JAKMIP3: variants seen among roughly 807,000 people sequenced by gnomAD.
JAKMIP3 encodes the protein janus kinase and microtubule-interacting protein 3.
A neutral mutation model predicts 118.5 loss-of-function variants in JAKMIP3; 58 were observed. That is an observed-to-expected ratio of 0.49 (90% CI 0.40 to 0.61). The LOEUF (loss-of-function observed/expected upper bound fraction) is 0.61, where lower values mean the gene tolerates loss of function less well. Among genes scored for constraint, JAKMIP3 ranks in the 20% least tolerant of loss-of-function variants. The pLI is 0.00. For missense variants in JAKMIP3, 950 were observed against 1,109.0 expected, an observed-to-expected ratio of 0.86 and a Z score of 2.04; for synonymous variants, 486 against 451.2, an observed-to-expected ratio of 1.08 and a Z score of -0.98.
At chr10:132,047,031 C>G (rs933276046) in intron 1 of JAKMIP3, among the ~76,000 whole-genome samples, 1 of 152,090 alleles carries the variant, frequency 6.6e-6, no homozygotes, top group Admixed American at 6.5e-5. Context: ...ACTGCAGGTG[C>G]CACCACACCC....
chr10:132,149,576 G>A (rs1258657853), intron 15 of JAKMIP3, 66 bp downstream of exon 15: 3 of 372,454 alleles, frequency 8.1e-6, no homozygotes, highest in African/African-American at 7.7e-5. Context: ...CCCCCTCTCC[G>A]CCCCCGCCCC....
intron 1 of JAKMIP3, among the ~76,000 whole-genome samples, chr10:132,073,711 T>C (rs911165290): frequency 6.6e-6 from 1 of 152,118 alleles, no homozygotes; most frequent in African/African-American, 2.4e-5. Context: ...TTGCCCAGGC[T>C]GGTCTTGAAC....
intron 1 of JAKMIP3, among the ~76,000 whole-genome samples, chr10:132,073,556 A>G (rs1034625631): frequency 7.0e-6 from 1 of 143,436 alleles, no homozygotes; most frequent in African/African-American, 2.6e-5. Context: ...AAGTGCAGTG[A>G]TGCGATCTCA....
At position 132,168,093 on chromosome 10, in the gene JAKMIP3, T is replaced by G. The variant is rs1453575354; in HGVS notation, c.*163T>G. The G allele has an allele frequency of 2.3e-6, 3 of 1,289,004 alleles. No homozygotes were observed. In the South Asian group the frequency reaches 3.7e-5, roughly 16 times the overall value. 79.8% of individuals were successfully genotyped at this position (1,289,004 alleles called of 1,614,324 possible). On this transcript the variant is annotated 3_prime_UTR_variant, in exon 23 of 24. Coordinates refer to ENST00000684848, the MANE Select transcript of JAKMIP3 (RefSeq NM_001323087.2). ...GTGGAGGAAGAGTGAGAAGGGGCAG[T>G]GTGTGGGGCGTGGAGCTGCCGTCCA...
At chr10:132,159,682 A>ATGTGATGCTCAGGGGGCCTCTCCCTG (rs1564982004) in intron 19 of JAKMIP3, among the ~76,000 whole-genome samples, 34 of 40,416 alleles carry the variant, frequency 8.4e-4, no homozygotes, top group Non-Finnish European at 7.4e-4. Context: ...TCCTCTCCCT[A>ATGTGATGCTCAGGGGGCCTCTCCCTG]TGTGATGCTC....
In JAKMIP3 at chr10:132,094,211, G is replaced by A. The variant is rs536863502; in HGVS notation, c.-137-10461G>A. ...AAATTGGGCTTTGCCTTTCTCTGGTGCCTCCTTGGTTAACTTAATAACTGA... is the reference window on the plus strand; with the variant it reads ...AAATTGGGCTTTGCCTTTCTCTGGTACCTCCTTGGTTAACTTAATAACTGA... On this transcript the variant is annotated intron_variant, in intron 1 of 23. Coordinates refer to ENST00000684848, the MANE Select transcript of JAKMIP3 (RefSeq NM_001323087.2). Among the ~76,000 whole-genome samples the A allele has an allele frequency of 2.6e-5, 4 of 152,136 alleles. No homozygotes were observed. The East Asian group carries it at 7.7e-4, about 29-fold the overall frequency.
At chr10:132,163,654 T>C (rs2058603364) in intron 20 of JAKMIP3, among the ~76,000 whole-genome samples, 1 of 152,068 alleles carries the variant, frequency 6.6e-6, no homozygotes, top group African/African-American at 2.4e-5. Context: ...TGCCCCAGAA[T>C]GGCCACGCCC....
intron 1 of JAKMIP3, among the ~76,000 whole-genome samples, chr10:132,043,646 G>T (rs1250536468): frequency 1.3e-5 from 2 of 152,190 alleles, no homozygotes. Context: ...CAATGTGGGG[G>T]TCCAGGAGCC....
At chr10:132,149,575 C>CCT (rs1589954270) in intron 15 of JAKMIP3, 65 bp downstream of exon 15, 71 of 371,140 alleles carry the variant, frequency 1.9e-4, no homozygotes, top group East Asian at 1.4e-3. Flanking sequence ...ACCCCCTCTC[C>CCT]GCCCCCGCCC....
intron 2 of JAKMIP3, among the ~76,000 whole-genome samples, chr10:132,109,134 A>T (rs1188752097): frequency 7.0e-5 from 3 of 43,132 alleles, no homozygotes; most frequent in African/African-American, 3.5e-4. Context: ...ACACACACAC[A>T]TATATATATA....
intron 12 of JAKMIP3, 151 bp from the exon 13 acceptor site, chr10:132,145,367 C>T: frequency 3.3e-6 from 3 of 903,892 alleles, no homozygotes; most frequent in South Asian, 1.7e-5. Context: ...GCATGTGCCA[C>T]CACGCCCGGC....
chr10:132,037,570 G>A (rs77887667), intron 1 of JAKMIP3, among the ~76,000 whole-genome samples: 2,236 of 152,262 alleles, frequency 0.015, 46 homozygotes, highest in South Asian at 0.077. Flanking sequence ...AGGGGCTGAG[G>A]ATTAAACGCA....
chr10:132,037,157 C>T (rs906545336), intron 1 of JAKMIP3, among the ~76,000 whole-genome samples: 1 of 152,214 alleles, frequency 6.6e-6, no homozygotes, highest in African/African-American at 2.4e-5. Flanking sequence ...CCAGCGTGGC[C>T]GTGGGATGCT....
In JAKMIP3 at chr10:132,049,699, G is replaced by T. The variant is rs1409665480; in HGVS notation, c.-138+12961G>T. ...AGGTCTCACTATGCTGCCCAGGCTG[G>T]CCTCCAACTCCTGAATTCAAGTGAT... On this transcript the variant is annotated intron_variant, in intron 1 of 23. Coordinates refer to the JAKMIP3 transcript ENST00000657785. This position sits in a 1 kb window ranked among gnomAD's most constrained non-coding sequence, Gnocchi z 4.3. Among the ~76,000 whole-genome samples the T allele has an allele frequency of 6.6e-6, 1 of 151,894 alleles. No individual in the cohort carries two copies. Among genetic ancestry groups the T allele is most frequent in the East Asian group, 1.9e-4 (1 of 5,174 alleles).
Position 132,117,620 on chromosome 10 carries a change from GGCGTGGGC to G in JAKMIP3, c.633+48_633+55del. ...GGGCGTGGGCGAGGGTGCAGGGGCG[GGCGTGGGC>G]GAGGGTGCAGGGGCGGGCGTGGGCG... On this transcript the variant is annotated intron_variant, in intron 3 of 23. Transcript: ENST00000684848. This position sits in a 1 kb window ranked among gnomAD's most constrained non-coding sequence, Gnocchi z 8.6. The G allele has an allele frequency of 9.1e-7, 1 of 1,100,300 alleles. No individual in the cohort carries two copies. The highest frequency in any genetic ancestry group is 1.6e-5 in the South Asian group (1 of 63,986). 68.2% of individuals were successfully genotyped at this position (1,100,300 alleles called of 1,614,324 possible).
At chr10:132,039,020 A>G (rs2037622581) in intron 1 of JAKMIP3, among the ~76,000 whole-genome samples, 1 of 152,212 alleles carries the variant, frequency 6.6e-6, no homozygotes, top group African/African-American at 2.4e-5. Context: ...ACGGGGAACC[A>G]GGCTCAGGCC....
chr10:132,169,253 C>T (rs1042731765), intron 23 of JAKMIP3, among the ~76,000 whole-genome samples: 2 of 152,092 alleles, frequency 1.3e-5, no homozygotes, highest in Non-Finnish European at 2.9e-5. Context: ...GGTCTGCAGA[C>T]ATGGTGCTCC....
At position 132,163,928 on chromosome 10, in the gene JAKMIP3, A is replaced by T. The variant is rs112686294; in HGVS notation, c.2424+516A>T. On this transcript the variant is annotated intron_variant, in intron 20 of 23. Transcript: ENST00000684848. ...TGTGGGACCTCAGGCCTGTTGGGTC[A>T]GTTCTGCTCTAATGGGAGGTGAGAA... Among the ~76,000 whole-genome samples the T allele has an allele frequency of 4.9e-3, 751 of 152,318 alleles. 5 individuals are homozygous for T. Among genetic ancestry groups the T allele is most frequent in the African/African-American group, 0.017 (702 of 41,558 alleles).
rs757039698 is a variant in JAKMIP3, at chr10:132,153,805, T to C, written c.2120T>C (p.Met707Thr). The change falls in exon 18 of 24, where the codon ATG becomes ACG. Residue 707 changes from methionine to threonine, a missense_variant. Physicochemically the swap from Met to Thr is moderately conservative, Grantham distance 81 (BLOSUM62 -1). Coordinates refer to ENST00000684848, the MANE Select transcript of JAKMIP3 (RefSeq NM_001323087.2). The stretch of plus-strand genomic sequence containing the variant: ...ACAGAGGCGGCGCTGCAGCGGAAGA[T>C]GGTGGATCTGGAGAGCGAGAAGGTT... ...EETEAALQRKMVDLESEKELF... is the reference protein window; with the variant it reads ...EETEAALQRKTVDLESEKELF... 1.2e-6 allele frequency: 2 copies of C among 1,612,724 alleles called. No homozygotes were observed. Among genetic ancestry groups the C allele is most frequent in the African/African-American group, 1.3e-5 (1 of 74,848 alleles).
Sources: allele counts gnomAD v4.1 joint callset (sites outside exome capture counted in the v4.1 genomes callset), GRCh38; gene constraint gnomAD v4.1.1; non-coding constraint Gnocchi (gnomAD v3.1); transcripts MANE v1.5; gene names NCBI Gene and HGNC (gene_info 2026-07-23, HGNC 2026-07-21).